Variants in ZNF451 observed in about 807,000 individuals in gnomAD.
ZNF451 encodes the protein E3 SUMO-protein ligase ZNF451.
In ZNF451, 80 loss-of-function variants were observed where a neutral mutation model predicts 107.1. That is an observed-to-expected ratio of 0.75 (90% CI 0.62 to 0.90). ZNF451 has a LOEUF of 0.90. Ranked by LOEUF, ZNF451 falls within the 40% of genes least tolerant of loss-of-function variation. ZNF451 has a pLI of 0.00. For synonymous variants in ZNF451, 362 were observed against 406.5 expected (o/e 0.89, Z 1.32); for missense variants, 1,107 against 1,236.2 (o/e 0.90, Z 1.57).
chr6:57,115,133 G>C (rs896477164), intron 3 of ZNF451: 1 of 152,116 alleles, frequency 6.6e-6, no homozygotes, highest in Non-Finnish European at 1.5e-5. Flanking sequence ...GTTGGTACAT[G>C]CCTGTAGGCC....
At chr6:57,107,007 G>A (rs1829892771) in intron 3 of ZNF451, 1 of 935,486 alleles carries the variant, frequency 1.1e-6, no homozygotes, top group Admixed American at 6.2e-5. Context: ...TCTCTTATTA[G>A]TGGAATATTT....
chr6:57,138,616 T>C (rs1831557238), intron 7 of ZNF451, among the ~76,000 whole-genome samples: 1 of 149,632 alleles, frequency 6.7e-6, no homozygotes, highest in South Asian at 2.1e-4. Flanking sequence ...ACCAGAAATA[T>C]GGTAAAAAGG....
At chr6:57,102,765 T>C in intron 3 of ZNF451, 1 of 985,472 alleles carries the variant, frequency 1.0e-6, no homozygotes, top group Non-Finnish European at 1.2e-6. Context: ...AGGTCTATTA[T>C]GGACACCAAC....
At chr6:57,109,303 ATTTTT>A in intron 3 of ZNF451, 1 of 781,766 alleles carries the variant, frequency 1.3e-6, no homozygotes. Flanking sequence ...ATATACACAC[ATTTTT>A]TTTTTTTAAC....
chr6:57,108,284 G>A (rs185550740), intron 3 of ZNF451: 221 of 985,314 alleles, frequency 2.2e-4, no homozygotes, highest in Middle Eastern at 1.0e-3. Flanking sequence ...TTCATTACCC[G>A]TAAGAGTGGC....
chr6:57,134,776 C>T lies in ZNF451; in HGVS notation c.608C>T (p.Thr203Ile). Reference sequence around the variant, plus strand: ...CACTCTCCATGTGATCCAACAATTACACTACATGGACCTTTCTTCAGCTCC... The same window carrying T: ...CACTCTCCATGTGATCCAACAATTATACTACATGGACCTTTCTTCAGCTCC... ...FDHSPCDPTI[T>I]LHGPFFSSFA... Residue 203 changes from threonine (T) to isoleucine (I), a missense_variant, in exon 7 of 15, where the codon ACA becomes ATA. Thr to Ile is a moderately conservative substitution (Grantham distance 89, BLOSUM62 -1). This residue lies in a region of ZNF451 where 339 missense variants were observed against 372.8 expected (regional missense o/e 0.91). Transcript: ENST00000370706. 2 of 1,613,272 alleles carry T rather than the reference C, an allele frequency of 1.2e-6. No homozygotes were observed. The highest frequency in any genetic ancestry group is 1.7e-6 in the Non-Finnish European group (2 of 1,179,702).
rs1832149035 is a variant in ZNF451, at chr6:57,147,854, T to C, written c.1769T>C (p.Ile590Thr). ...NLTANKPSSA[I>T]TVIDHSPANS... Reference sequence around the variant, plus strand: ...ACTGCTAACAAGCCTTCATCAGCTATTACTGTTATTGATCATTCCCCGGCA... The same window carrying C: ...ACTGCTAACAAGCCTTCATCAGCTACTACTGTTATTGATCATTCCCCGGCA... Residue 590 changes from isoleucine (I) to threonine (T), a missense_variant, in exon 10 of 15, where the codon ATT becomes ACT. Physicochemically the swap from Ile to Thr is moderately conservative, Grantham distance 89 (BLOSUM62 -1). Around this residue, in one of 5 missense-constraint regions of ZNF451, gnomAD observed 608 missense variants for 649.2 expected, o/e 0.94. Transcript: ENST00000370706. 3 of 1,614,022 alleles carry C rather than the reference T, an allele frequency of 1.9e-6. No homozygotes were observed. The Admixed American group carries it at 5.0e-5, about 27-fold the overall frequency.
intron 3 of ZNF451, chr6:57,108,542 AC>A (rs1461230835): frequency 1.0e-6 from 1 of 985,304 alleles, no homozygotes; most frequent in Non-Finnish European, 1.2e-6. Context: ...TATTTAATTT[AC>A]ATCTAACTAC....
intron 10 of ZNF451, among the ~76,000 whole-genome samples, chr6:57,149,681 C>G (rs1459362211): frequency 6.6e-6 from 1 of 152,264 alleles, no homozygotes; most frequent in East Asian, 1.9e-4. Flanking sequence ...GAGTCTTGCT[C>G]TATACCATAT....
chr6:57,097,615 C>T (rs760746274), intron 2 of ZNF451, among the ~76,000 whole-genome samples: 33 of 152,220 alleles, frequency 2.2e-4, no homozygotes, highest in Admixed American at 6.5e-4. Flanking sequence ...TTATTGTTGC[C>T]GTGTTTCTGG....
intron 13 of ZNF451, chr6:57,159,098 C>T (rs1763557281): frequency 1.0e-6 from 1 of 985,080 alleles, no homozygotes; most frequent in Non-Finnish European, 1.2e-6. Flanking sequence ...TCTTTGGGCA[C>T]CATTATAAAA....
chr6:57,101,520 A>G (rs1262751863), intron 3 of ZNF451: 3 of 1,550,872 alleles, frequency 1.9e-6, no homozygotes, highest in Non-Finnish European at 2.6e-6. Context: ...ATTCTACCTC[A>G]AAAGAAATGG....
chr6:57,155,919 T>C (rs1295891336), intron 13 of ZNF451, among the ~76,000 whole-genome samples: 1 of 151,138 alleles, frequency 6.6e-6, no homozygotes, highest in African/African-American at 2.4e-5. Flanking sequence ...TTTTGTGACA[T>C]ACAGAGATTG....
At chr6:57,153,364 A>C (rs1336428043) in intron 12 of ZNF451, among the ~76,000 whole-genome samples, 1 of 151,086 alleles carries the variant, frequency 6.6e-6, no homozygotes, top group African/African-American at 2.4e-5. Flanking sequence ...TATTTGATTA[A>C]ATGTGGGGTA....
chr6:57,150,723 A>C lies in ZNF451; in HGVS notation c.2613A>C (p.Glu871Asp). 6.2e-7 allele frequency: 1 copy of C among 1,600,346 alleles called. No individual in the cohort carries two copies. The highest frequency in any genetic ancestry group is 8.5e-7 in the Non-Finnish European group (1 of 1,174,968). Reference protein sequence around the residue: ...ENDLSYQNIEEEIVELPDLDY... With the variant: ...ENDLSYQNIEDEIVELPDLDY... ...TTGATATTTCTCTCTTCTCAGAGGA[A>C]GAAATTGTTGAGCTTCCAGATTTGG... is the stretch of plus-strand genomic sequence containing the variant. Residue 871 changes from glutamate (E) to aspartate (D), a missense_variant, in exon 11 of 15, where the codon GAA becomes GAC. By Grantham distance (45) the Glu-to-Asp change is conservative. Around this residue, in one of 5 missense-constraint regions of ZNF451, gnomAD observed 608 missense variants for 649.2 expected, o/e 0.94. Coordinates refer to ENST00000370706, the MANE Select transcript of ZNF451 (RefSeq NM_001031623.3).
chr6:57,104,015 C>T (rs1199043092), intron 3 of ZNF451: 1 of 985,084 alleles, frequency 1.0e-6, no homozygotes, highest in African/African-American at 1.7e-5. Context: ...GTAGATTAAA[C>T]TTGAACTAGT....
In ZNF451 at chr6:57,090,236, A is replaced by G. The variant is rs758542165; in HGVS notation, c.-18A>G. The G allele has an allele frequency of 6.2e-7, 1 of 1,609,922 alleles. No homozygotes were observed. Among genetic ancestry groups the G allele is most frequent in the Non-Finnish European group, 8.5e-7 (1 of 1,178,782 alleles). On this transcript the variant is annotated 5_prime_UTR_variant, in exon 1 of 15. Transcript: ENST00000370706. The stretch of plus-strand genomic sequence containing the variant: ...GGACAGCAGGAGCAGTGGTGCTGTC[A>G]GCGCGGCCGTCGGAGACATGGGAGA...
rs372459471 is a variant in ZNF451, at chr6:57,148,361, C to A, written c.2276C>A (p.Ser759Ter). The A allele has an allele frequency of 6.2e-7, 1 of 1,613,838 alleles. No individual in the cohort carries two copies. The highest frequency in any genetic ancestry group is 8.5e-7 in the Non-Finnish European group (1 of 1,179,892). ...GKLWFRCSLC[S>*]ATAQNLTDMN... ...CTGTGGTTTCGCTGCAGTTTATGTT[C>A]GGCAACAGCACAGAATTTAACCGAC... Residue 759 changes from serine (S) to a stop codon, truncating the protein, a stop_gained, in exon 10 of 15, where the codon TCG becomes TAG. Coordinates refer to ENST00000370706, the MANE Select transcript of ZNF451 (RefSeq NM_001031623.3). LOFTEE classifies it high-confidence loss of function.
At chr6:57,125,773 A>T (rs1830899059) in intron 4 of ZNF451, among the ~76,000 whole-genome samples, 1 of 152,130 alleles carries the variant, frequency 6.6e-6, no homozygotes, top group Non-Finnish European at 1.5e-5. Flanking sequence ...TTACTTTATG[A>T]TGTAATATCA....
Sources: gnomAD v4.1 joint callset for allele counts (sites outside exome capture counted in the v4.1 genomes callset) on GRCh38, gnomAD v4.1.1 for gene constraint, gnomAD v4.1.1 regional missense constraint, MANE v1.5 for transcripts, NCBI Gene and HGNC (gene_info 2026-07-23, HGNC 2026-07-21) for gene names.